The following KIF26B variants were observed in gnomAD, a reference collection of about 807,000 sequenced individuals.
KIF26B encodes kinesin family member 26B, also known as kinesin-like protein KIF26B.
A neutral mutation model predicts 151.2 loss-of-function variants in KIF26B; 63 were observed. That is an observed-to-expected ratio of 0.42 (90% CI 0.34 to 0.51). The LOEUF is 0.51. KIF26B is among the 20% of genes least tolerant of loss of function. The probability of loss-of-function intolerance (pLI) is 0.07; values close to 1 mark genes in which losing one functional copy is unlikely to be tolerated. For synonymous variants in KIF26B, 1,357 were observed against 1,262.1 expected (o/e 1.08, Z -1.59); for missense variants, 2,813 against 2,913.6 (o/e 0.97, Z 0.79).
Position 245,698,271 on chromosome 1 carries a change from T to C in KIF26B, c.5990T>C (p.Val1997Ala), listed in dbSNP as rs1021586161. ...ATTAAAGTCTATGAAATCGATGACGTGGAGCGCCTGCAGCGGCGACGAGGG... is the reference window on the plus strand; with the variant it reads ...ATTAAAGTCTATGAAATCGATGACGCGGAGCGCCTGCAGCGGCGACGAGGG... ...FEIKVYEIDD[V>A]ERLQRRRGGA... The change falls in exon 13 of 15, where the codon GTG (valine) becomes GCG (alanine). Residue 1997 changes from valine (V) to alanine (A), a missense_variant. Val to Ala is a moderately conservative substitution (Grantham distance 64). This residue lies in a region of KIF26B where 2,060 missense variants were observed against 2,088.6 expected (regional missense o/e 0.99). Coordinates refer to ENST00000407071, the MANE Select transcript of KIF26B (RefSeq NM_018012.4). This position sits in a 1 kb window ranked among gnomAD's most constrained non-coding sequence, Gnocchi z 4.0. The C allele has an allele frequency of 6.2e-7, 1 of 1,613,678 alleles. No homozygotes were observed. The highest frequency in any genetic ancestry group is 1.7e-5 in the Admixed American group (1 of 60,006).
chr1:245,243,887 GGAAA>G lies in KIF26B; in HGVS notation c.465+87206_465+87209del, dbSNP rs1159313766. 2.0e-5 allele frequency among the ~76,000 whole-genome samples: 3 copies of G among 151,516 alleles called. No individual in the cohort carries two copies. The East Asian group carries it at 5.8e-4, about 29-fold the overall frequency. On this transcript the variant is annotated intron_variant, in intron 2 of 14. Transcript: ENST00000407071. ...AAAGAAGAAAAAGAAAGAAAGGAAA[GGAAA>G]GGAAAGGAAAAGAAAGATACCCTTT...
chr1:245,686,755 C>T lies in KIF26B; in HGVS notation c.3772C>T (p.Pro1258Ser), dbSNP rs1442326418. Residue 1258 changes from proline to serine, a missense_variant, in exon 12 of 15, where the codon CCC becomes TCC. Pro to Ser is a moderately conservative substitution (Grantham distance 74). This residue lies in a region of KIF26B where 2,060 missense variants were observed against 2,088.6 expected (regional missense o/e 0.99). Coordinates refer to ENST00000407071, the MANE Select transcript of KIF26B (RefSeq NM_018012.4). This position sits in a 1 kb window ranked among gnomAD's most constrained non-coding sequence, Gnocchi z 5.6. ...VSEVSITQFL[P>S]LPKMSLDEKA... ...CGAGGTCAGCATCACACAGTTCTTG[C>T]CCCTCCCGAAGATGAGCCTGGATGA... 2 of 1,613,378 alleles carry T rather than the reference C, an allele frequency of 1.2e-6. No individual in the cohort carries two copies. The highest frequency in any genetic ancestry group is 1.7e-5 in the Admixed American group (1 of 59,992).
chr1:245,696,528 T>A (rs2044695863), intron 12 of KIF26B, among the ~76,000 whole-genome samples: 1 of 152,124 alleles, frequency 6.6e-6, no homozygotes, highest in Non-Finnish European at 1.5e-5. Flanking sequence ...GCCGCTGGGT[T>A]TGGGGTTTAT....
intron 5 of KIF26B, among the ~76,000 whole-genome samples, chr1:245,561,598 A>G (rs2042951654): frequency 6.6e-6 from 1 of 152,196 alleles, no homozygotes; most frequent in South Asian, 2.1e-4. Context: ...ACATACATCA[A>G]TCATTTGCAT....
chr1:245,648,608 G>C (rs1236281963), intron 10 of KIF26B, among the ~76,000 whole-genome samples: 1 of 151,652 alleles, frequency 6.6e-6, no homozygotes, highest in Non-Finnish European at 1.5e-5. Context: ...GCACCAGCCT[G>C]GGCAACAGAG....
intron 2 of KIF26B, among the ~76,000 whole-genome samples, chr1:245,351,146 G>A (rs919209392): frequency 3.9e-5 from 6 of 152,316 alleles, no homozygotes; most frequent in South Asian, 2.1e-4. Context: ...AGCTGAGCGC[G>A]TTTCCCTGTC....
chr1:245,411,296 G>T (rs1444727540), intron 3 of KIF26B, among the ~76,000 whole-genome samples: 1 of 152,136 alleles, frequency 6.6e-6, no homozygotes, highest in Non-Finnish European at 1.5e-5. Context: ...AAGTCTAAAT[G>T]GATCAACAAG....
chr1:245,567,527 AC>A (rs1212151247), intron 5 of KIF26B, among the ~76,000 whole-genome samples: 1 of 151,862 alleles, frequency 6.6e-6, no homozygotes, highest in African/African-American at 2.4e-5. Flanking sequence ...TGAAGTGATG[AC>A]CCATCCCACC....
At chr1:245,468,219 C>T (rs188512674) in intron 4 of KIF26B, among the ~76,000 whole-genome samples, 2 of 152,304 alleles carry the variant, frequency 1.3e-5, no homozygotes. Context: ...CATAAGAACC[C>T]ATTCTCCAGT....
chr1:245,518,119 C>T (rs1661012044), intron 4 of KIF26B, among the ~76,000 whole-genome samples: 1 of 152,134 alleles, frequency 6.6e-6, no homozygotes, highest in African/African-American at 2.4e-5. Flanking sequence ...ATCCACCTGC[C>T]TCAGCCTCCC....
chr1:245,253,955 G>A (rs970296408), intron 2 of KIF26B, among the ~76,000 whole-genome samples: 20 of 151,582 alleles, frequency 1.3e-4, no homozygotes, highest in South Asian at 4.2e-4. Flanking sequence ...GACTACAGGC[G>A]CCCGCCACCA....
intron 2 of KIF26B, among the ~76,000 whole-genome samples, chr1:245,224,427 A>G (rs568668603): frequency 3.3e-4 from 51 of 152,336 alleles, no homozygotes; most frequent in Admixed American, 3.3e-3. Context: ...TGCTTTTCTC[A>G]TGGAACACCA....
chr1:245,668,677 GTTTCTTTTCTTTTCT>G (rs112851269), intron 10 of KIF26B, among the ~76,000 whole-genome samples: 3 of 151,266 alleles, frequency 2.0e-5, no homozygotes, highest in Admixed American at 1.3e-4. Flanking sequence ...TGGAGATCAT[GTTTCTTTTCTTTTCT>G]TTTCTTTTCT....
intron 9 of KIF26B, among the ~76,000 whole-genome samples, chr1:245,617,349 C>T (rs539116575): frequency 1.8e-4 from 28 of 152,344 alleles, no homozygotes; most frequent in African/African-American, 6.5e-4. Flanking sequence ...CCACCCACCT[C>T]GGCCTCCCCA....
intron 3 of KIF26B, among the ~76,000 whole-genome samples, chr1:245,373,338 A>G (rs1405399413): frequency 6.6e-6 from 1 of 152,218 alleles, no homozygotes; most frequent in Non-Finnish European, 1.5e-5. Context: ...TTTGATTCCA[A>G]GCTAATCTTT....
Position 245,686,199 on chromosome 1 carries a change from C to A in KIF26B, c.3216C>A (p.Ser1072Arg). The change falls in exon 12 of 15, where the codon AGC becomes AGA. Residue 1072 changes from serine (S) to arginine (R), a missense_variant. Around this residue, in one of 3 missense-constraint regions of KIF26B, gnomAD observed 2,060 missense variants for 2,088.6 expected, o/e 0.99. Transcript: ENST00000407071. This position sits in a 1 kb window ranked among gnomAD's most constrained non-coding sequence, Gnocchi z 5.6. ...GCTCCCCCCGGCTGGGCATCGCCAG[C>A]CTGTCCAAGACCTCGGAGTACAAGC... is the stretch of plus-strand genomic sequence containing the variant. ...PMGSPRLGIA[S>R]LSKTSEYKPP... 1 of 1,612,620 alleles carries A rather than the reference C, an allele frequency of 6.2e-7. No homozygotes were observed. Among genetic ancestry groups the A allele is most frequent in the African/African-American group, 1.3e-5 (1 of 75,044 alleles).
At chr1:245,405,832 G>T (rs1674123037) in intron 3 of KIF26B, among the ~76,000 whole-genome samples, 1 of 152,070 alleles carries the variant, frequency 6.6e-6, no homozygotes, top group African/African-American at 2.4e-5. Context: ...TGGTATTTCT[G>T]CAGTTGGCAA....
intron 4 of KIF26B, among the ~76,000 whole-genome samples, chr1:245,476,157 A>G (rs1353590095): frequency 5.9e-5 from 9 of 151,922 alleles, no homozygotes; most frequent in African/African-American, 2.2e-4. Context: ...CCAGATACAA[A>G]AGGCCACATA....
intron 14 of KIF26B, among the ~76,000 whole-genome samples, chr1:245,701,905 G>C (rs1013845812): frequency 6.6e-6 from 1 of 152,190 alleles, no homozygotes; most frequent in Non-Finnish European, 1.5e-5. Flanking sequence ...CAAAGCAGGG[G>C]ACTTGATGCC....
Sources: allele counts gnomAD v4.1 joint callset (sites outside exome capture counted in the v4.1 genomes callset), GRCh38; gene constraint gnomAD v4.1.1; regional missense constraint gnomAD v4.1.1; non-coding constraint Gnocchi (gnomAD v3.1); transcripts MANE v1.5; gene names NCBI Gene and HGNC (gene_info 2026-07-23, HGNC 2026-07-21).